KLHL28: variants seen among roughly 807,000 people sequenced by gnomAD.
KLHL28 encodes kelch like family member 28.
In KLHL28, 22 loss-of-function variants were observed where a neutral mutation model predicts 48.3. The ratio of observed to expected loss-of-function variants is 0.46; its 90% CI spans 0.33 to 0.65. The LOEUF (loss-of-function observed/expected upper bound fraction) is 0.65. Among genes scored for constraint, KLHL28 ranks in the 30% least tolerant of loss-of-function variants. KLHL28 has a pLI of 0.03. For missense variants in KLHL28, 527 were observed against 704.3 expected, an observed-to-expected ratio of 0.75 and a Z score of 2.85; for synonymous variants, 243 against 242.4, an observed-to-expected ratio of 1.00 and a Z score of -0.02.
At chr14:44,947,066 T>C (rs1884369220) in intron 1 of KLHL28, among the ~76,000 whole-genome samples, 1 of 152,136 alleles carries the variant, frequency 6.6e-6, no homozygotes, top group Non-Finnish European at 1.5e-5. Flanking sequence ...TATTACTTTA[T>C]ATGGCAAAAA....
chr14:44,934,262 T>A lies in KLHL28; in HGVS notation c.1196A>T (p.Tyr399Phe). The change falls in exon 3 of 5, where the codon TAT becomes TTT. Residue 399 changes from tyrosine (Y) to phenylalanine (F), a missense_variant. Tyr to Phe is a conservative substitution (Grantham distance 22). Coordinates refer to ENST00000396128, the MANE Select transcript of KLHL28 (RefSeq NM_017658.5). Reference protein sequence around the residue: ...YALGGYDGQSYLQSVEKYIPK... With the variant: ...YALGGYDGQSFLQSVEKYIPK... Reference sequence around the variant, plus strand: ...AATGTACTTCTCTACAGATTGTAAATAAGATTGTCCATCATAACCACCTAA... The same window carrying A: ...AATGTACTTCTCTACAGATTGTAAAAAAGATTGTCCATCATAACCACCTAA... The A allele has an allele frequency of 6.2e-7, 1 of 1,614,164 alleles. No individual in the cohort carries two copies.
rs1883477894 is a variant in KLHL28, at chr14:44,929,061, G to A, written c.1683C>T (p.Tyr561=). Residue 561 remains tyrosine, a synonymous_variant, in exon 5 of 5, where the codon TAC becomes TAT. Coordinates refer to ENST00000396128, the MANE Select transcript of KLHL28 (RefSeq NM_017658.5). ...CAGTTAACCCAAAGTTGCAGCGACAGTATATCATGCCAGCTGAATCCAGCC... is the reference window on the plus strand; with the variant it reads ...CAGTTAACCCAAAGTTGCAGCGACAATATATCATGCCAGCTGAATCCAGCC... ...DTWLDSAGMI[Y]CRCNFGLTAL The A allele has an allele frequency of 2.5e-6, 4 of 1,613,956 alleles. No homozygotes were observed. The highest frequency in any genetic ancestry group is 1.7e-5 in the Admixed American group (1 of 60,006).
At chr14:44,943,421 G>T (rs1884184336) in intron 2 of KLHL28, among the ~76,000 whole-genome samples, 1 of 152,176 alleles carries the variant, frequency 6.6e-6, no homozygotes, top group South Asian at 2.1e-4. Flanking sequence ...ACTTTGGGAG[G>T]CCAAGGCAGG....
At position 44,942,004 on chromosome 14, in the gene KLHL28, C is replaced by T. The variant is rs544740334; in HGVS notation, c.899+3026G>A. ...TTTTAATTCATACCTCTAAACTATA[C>T]TATATGCTGATGACCTTCAAATTTC... On this transcript the variant is annotated intron_variant, in intron 2 of 4. Transcript: ENST00000396128. Among the ~76,000 whole-genome samples, 4 of 152,328 alleles carry T rather than the reference C, an allele frequency of 2.6e-5. No individual in the cohort carries two copies. The South Asian group carries it at 8.3e-4, about 32-fold the overall frequency.
At chr14:44,958,584 T>C (rs1594587860) in intron 1 of KLHL28, among the ~76,000 whole-genome samples, 1 of 152,278 alleles carries the variant, frequency 6.6e-6, no homozygotes, top group East Asian at 1.9e-4. Context: ...TAAGTTAGGA[T>C]ATTTTCCTTT....
chr14:44,947,809 A>T (rs1379823982), intron 1 of KLHL28, among the ~76,000 whole-genome samples: 3 of 152,222 alleles, frequency 2.0e-5, no homozygotes, highest in African/African-American at 7.2e-5. Flanking sequence ...GCCACTTTCC[A>T]GCTGGTAACA....
chr14:44,934,251 C>T lies in KLHL28; in HGVS notation c.1207G>A (p.Val403Ile), dbSNP rs150062543. Residue 403 changes from valine (V) to isoleucine (I), a missense_variant, in exon 3 of 5, where the codon GTA becomes ATA. Transcript: ENST00000396128. ...GYDGQSYLQSVEKYIPKIRKW... is the reference protein window; with the variant it reads ...GYDGQSYLQSIEKYIPKIRKW... ...CTTATTTTGGGAATGTACTTCTCTA[C>T]AGATTGTAAATAAGATTGTCCATCA... is the stretch of plus-strand genomic sequence containing the variant. 8.8e-4 allele frequency: 1,426 copies of T among 1,614,126 alleles called. 1 individual carries two copies. Among genetic ancestry groups the T allele is most frequent in the Non-Finnish European group, 1.0e-3 (1,192 of 1,180,008 alleles).
chr14:44,934,621 GTTTAATCTT>G (rs1883732162), intron 2 of KLHL28, 63 bp from the exon 3 acceptor site: 67 of 1,242,172 alleles, frequency 5.4e-5, no homozygotes, highest in Non-Finnish European at 7.3e-5. Flanking sequence ...AGACAGATAT[GTTTAATCTT>G]ATTAGTAATC....
intron 2 of KLHL28, among the ~76,000 whole-genome samples, chr14:44,944,437 T>C (rs576666378): frequency 2.6e-5 from 4 of 152,306 alleles, no homozygotes; most frequent in South Asian, 2.1e-4. Flanking sequence ...TGGTCTTTTA[T>C]AGAAAAAGTC....
intron 2 of KLHL28, among the ~76,000 whole-genome samples, chr14:44,937,184 C>T (rs1313583185): frequency 4.9e-5 from 7 of 142,880 alleles, no homozygotes; most frequent in Middle Eastern, 7.8e-3. Context: ...CTCACTCTGT[C>T]GCCCAGGCTG....
chr14:44,931,590 T>G (rs377391105), intron 3 of KLHL28, 49 bp from the exon 4 acceptor site: 214 of 1,460,352 alleles, frequency 1.5e-4, no homozygotes, highest in African/African-American at 2.8e-5. Context: ...TGTGTCATTC[T>G]TCCTGTCAAA....
chr14:44,938,670 G>A (rs571490154), intron 2 of KLHL28, among the ~76,000 whole-genome samples: 7 of 152,080 alleles, frequency 4.6e-5, no homozygotes, highest in African/African-American at 9.7e-5. Flanking sequence ...GCGCCCGGCC[G>A]AAAACATTAA....
rs769555528 is a variant in KLHL28 at position 44,945,909 on chromosome 14, G to T, written c.20C>A (p.Thr7Asn). The change falls in exon 2 of 5, where the codon ACC (threonine) becomes AAC (asparagine). Residue 7 changes from threonine (T) to asparagine (N), a missense_variant. Thr to Asn is a moderately conservative substitution (Grantham distance 65). Transcript: ENST00000396128. The part of the protein sequence containing the change: MDHTSP[T>N]YMLANLTHLH... ...GTGGGTTAAGTTAGCAAGCATGTAGGTCGGGGATGTGTGGTCCATCTACAG... is the reference window on the plus strand; with the variant it reads ...GTGGGTTAAGTTAGCAAGCATGTAGTTCGGGGATGTGTGGTCCATCTACAG... 6.2e-7 allele frequency: 1 copy of T among 1,612,656 alleles called. No homozygotes were observed.
intron 1 of KLHL28, among the ~76,000 whole-genome samples, chr14:44,960,284 C>T (rs1249060248): frequency 6.6e-6 from 1 of 152,206 alleles, no homozygotes; most frequent in Non-Finnish European, 1.5e-5. Flanking sequence ...TACCACACAA[C>T]CTCTAGTTAT....
chr14:44,950,403 A>G (rs576247376), intron 1 of KLHL28, among the ~76,000 whole-genome samples: 3 of 152,192 alleles, frequency 2.0e-5, no homozygotes, highest in Non-Finnish European at 4.4e-5. Flanking sequence ...CATTTTTAAT[A>G]TAATTAGGAA....
chr14:44,947,704 C>G (rs1337381772), intron 1 of KLHL28, among the ~76,000 whole-genome samples: 1 of 152,116 alleles, frequency 6.6e-6, no homozygotes, highest in Non-Finnish European at 1.5e-5. Flanking sequence ...TGGAAAAAAT[C>G]CAACTCTTGA....
intron 1 of KLHL28, among the ~76,000 whole-genome samples, chr14:44,951,694 C>A (rs1028709318): frequency 3.3e-5 from 5 of 152,098 alleles, no homozygotes; most frequent in Non-Finnish European, 7.4e-5. Context: ...TACTTTCATT[C>A]CTTGTAAGAA....
chr14:44,943,551 G>A (rs968043724), intron 2 of KLHL28, among the ~76,000 whole-genome samples: 7 of 152,106 alleles, frequency 4.6e-5, no homozygotes, highest in African/African-American at 1.4e-4. Context: ...CAGCTACTTG[G>A]GAGGCTGAGG....
At chr14:44,954,623 T>C (rs1884720805) in intron 1 of KLHL28, among the ~76,000 whole-genome samples, 1 of 152,064 alleles carries the variant, frequency 6.6e-6, no homozygotes, top group South Asian at 2.1e-4. Context: ...ATTACAAACA[T>C]ACATAATCAT....
Sources: gnomAD v4.1 joint callset for allele counts (sites outside exome capture counted in the v4.1 genomes callset) on GRCh38, gnomAD v4.1.1 for gene constraint, MANE v1.5 for transcripts, NCBI Gene and HGNC (gene_info 2026-07-23, HGNC 2026-07-21) for gene names.